The following ASTN2 variants were observed in gnomAD, a reference collection of about 807,000 sequenced individuals.
ASTN2 encodes astrotactin 2.
ASTN2 carries 54 observed loss-of-function variants against 139.8 expected under a neutral mutation model. That is an observed-to-expected ratio of 0.39 (90% confidence interval 0.31 to 0.48). ASTN2 has a LOEUF of 0.48. Ranked by LOEUF, ASTN2 falls within the 20% of genes least tolerant of loss-of-function variation. The probability of loss-of-function intolerance (pLI) is 0.95; values close to 1 mark genes in which losing one functional copy is unlikely to be tolerated. For missense variants in ASTN2, 1,565 were observed against 1,725.1 expected (o/e 0.91, Z 1.64); for synonymous variants, 756 against 719.5 (o/e 1.05, Z -0.81).
intron 1 of ASTN2, among the ~76,000 whole-genome samples, chr9:117,346,214 C>CT (rs1226121767): frequency 2.6e-5 from 4 of 152,024 alleles, no homozygotes; most frequent in African/African-American, 9.7e-5. Flanking sequence ...GTTTTAGTTA[C>CT]TTTTTTAAAA....
rs114836860 is a variant in ASTN2 at position 116,844,669 on chromosome 9, T to C, written c.2040+18914A>G. Reference sequence around the variant, plus strand: ...AGTATCTAGCACAATGGTAAGATCCTGATTGTTATAAAAGTTGCTATTATG... The same window carrying C: ...AGTATCTAGCACAATGGTAAGATCCCGATTGTTATAAAAGTTGCTATTATG... On this transcript the variant is annotated intron_variant, in intron 11 of 22. Coordinates refer to ENST00000313400, the MANE Select transcript of ASTN2 (RefSeq NM_001365068.1). Among the ~76,000 whole-genome samples, 925 of 152,284 alleles carry C rather than the reference T, an allele frequency of 6.1e-3. 8 individuals carry two copies. Among genetic ancestry groups the C allele is most frequent in the African/African-American group, 0.021 (867 of 41,552 alleles).
intron 1 of ASTN2, among the ~76,000 whole-genome samples, chr9:117,320,435 G>A (rs1324562870): frequency 2.0e-5 from 3 of 152,148 alleles, no homozygotes; most frequent in Non-Finnish European, 4.4e-5. Context: ...CCACAGGCCA[G>A]GGCTTTTCCA....
At chr9:117,003,108 A>C (rs997819699) in intron 7 of ASTN2, among the ~76,000 whole-genome samples, 1 of 152,222 alleles carries the variant, frequency 6.6e-6, no homozygotes, top group Non-Finnish European at 1.5e-5. Flanking sequence ...GTGTACCTAG[A>C]ACCCAGGACA....
At chr9:117,316,776 G>T (rs915901712) in intron 1 of ASTN2, among the ~76,000 whole-genome samples, 12 of 152,156 alleles carry the variant, frequency 7.9e-5, no homozygotes, top group Non-Finnish European at 1.3e-4. Flanking sequence ...AAACTGCTAT[G>T]GGGGCGTGAG....
chr9:116,740,675 G>C lies in ASTN2; in HGVS notation c.2397-7152C>G, dbSNP rs1217557892. On this transcript the variant is annotated intron_variant, in intron 13 of 22. Transcript: ENST00000313400. ...CTACAGGCGCCCACCACCACGCTCT[G>C]CTAATTTTTTAATTTTTTTTAGTAG... Among the ~76,000 whole-genome samples, 3 of 151,872 alleles carry C rather than the reference G, an allele frequency of 2.0e-5. No individual in the cohort carries two copies. The South Asian group carries it at 6.3e-4, about 32-fold the overall frequency.
chr9:116,770,749 T>A (rs1410592021), intron 13 of ASTN2, among the ~76,000 whole-genome samples: 3 of 152,198 alleles, frequency 2.0e-5, no homozygotes, highest in African/African-American at 7.2e-5. Flanking sequence ...TTTACATATG[T>A]TTTTTTCAAG....
chr9:117,119,116 G>A (rs1012836492), intron 4 of ASTN2, among the ~76,000 whole-genome samples: 1 of 152,116 alleles, frequency 6.6e-6, no homozygotes, highest in Admixed American at 6.5e-5. Context: ...TTGAATGAAT[G>A]AATAGATAAT....
chr9:116,463,859 C>T (rs1307493242), intron 20 of ASTN2, among the ~76,000 whole-genome samples: 5 of 150,872 alleles, frequency 3.3e-5, no homozygotes, highest in Non-Finnish European at 7.4e-5. Context: ...TACCTCAACC[C>T]TTGAGTAGCT....
In ASTN2 at chr9:116,744,080, G is replaced by T. The variant is rs140119264; in HGVS notation, c.2397-10557C>A. Among the ~76,000 whole-genome samples the T allele has an allele frequency of 2.3e-3, 344 of 152,236 alleles. 2 individuals carry two copies. The highest frequency in any genetic ancestry group is 4.0e-3 in the Non-Finnish European group (274 of 68,026). On this transcript the variant is annotated intron_variant, in intron 13 of 22. Transcript: ENST00000313400. ...GGTGAGACTTGACAGATTGGGAGGG[G>T]TTAACAAGGGAGAGGGCAGAAAAAG...
chr9:117,362,253 C>T (rs928774438), intron 1 of ASTN2, among the ~76,000 whole-genome samples: 8 of 152,134 alleles, frequency 5.3e-5, no homozygotes, highest in Admixed American at 1.3e-4. Context: ...GGATTACGAG[C>T]GTGAGCCACT....
chr9:116,634,209 T>C (rs974496462), intron 17 of ASTN2, among the ~76,000 whole-genome samples: 1 of 152,220 alleles, frequency 6.6e-6, no homozygotes, highest in Non-Finnish European at 1.5e-5. Context: ...GTCAGATCTA[T>C]ATAAATATCC....
chr9:116,583,088 C>G (rs1222007497), intron 19 of ASTN2: 1 of 152,186 alleles, frequency 6.6e-6, no homozygotes, highest in Non-Finnish European at 1.5e-5. Context: ...TTCCAGTGGT[C>G]CAGCCCCACT....
intron 16 of ASTN2, among the ~76,000 whole-genome samples, chr9:116,670,511 A>G (rs1859131656): frequency 6.6e-6 from 1 of 152,252 alleles, no homozygotes; most frequent in South Asian, 2.1e-4. Context: ...AAAATAAAAC[A>G]GAAGAATAGA....
At chr9:116,682,770 G>GT (rs1209948994) in intron 16 of ASTN2, among the ~76,000 whole-genome samples, 1 of 152,002 alleles carries the variant, frequency 6.6e-6, no homozygotes, top group African/African-American at 2.4e-5. Context: ...GTAAACTATC[G>GT]TAAGAACAAA....
chr9:116,579,673 G>A (rs1377886867), intron 19 of ASTN2, among the ~76,000 whole-genome samples: 1 of 152,170 alleles, frequency 6.6e-6, no homozygotes, highest in East Asian at 1.9e-4. Context: ...TTAAGCCCAG[G>A]AATTTGAGAC....
chr9:116,970,593 CT>C (rs1189370180), intron 10 of ASTN2, among the ~76,000 whole-genome samples: 1 of 152,132 alleles, frequency 6.6e-6, no homozygotes, highest in African/African-American at 2.4e-5. Context: ...ATTTTTATAT[CT>C]CTATTACTTA....
At chr9:116,539,587 T>C (rs889509916) in intron 19 of ASTN2, among the ~76,000 whole-genome samples, 2 of 152,182 alleles carry the variant, frequency 1.3e-5, no homozygotes, top group African/African-American at 2.4e-5. Context: ...AGGGAGGATA[T>C]GTTTTAAGAC....
At chr9:117,098,945 T>C (rs1196085786) in intron 4 of ASTN2, among the ~76,000 whole-genome samples, 2 of 151,512 alleles carry the variant, frequency 1.3e-5, no homozygotes, top group East Asian at 2.0e-4. Flanking sequence ...CCGTCTCTAC[T>C]AAAATACAAA....
Position 116,856,673 on chromosome 9 carries a change from G to A in ASTN2, c.2040+6910C>T, listed in dbSNP as rs1306972793. 3.3e-5 allele frequency among the ~76,000 whole-genome samples: 5 copies of A among 152,228 alleles called. No individual in the cohort carries two copies. The South Asian group carries it at 8.3e-4, about 25-fold the overall frequency. On this transcript the variant is annotated intron_variant, in intron 11 of 22. Coordinates refer to ENST00000313400, the MANE Select transcript of ASTN2 (RefSeq NM_001365068.1). ...ATTCATCTTGACTTTTAGAAAGGCAGCTCTTGTTGTTGTCTCTCAGCACCT... is the reference window on the plus strand; with the variant it reads ...ATTCATCTTGACTTTTAGAAAGGCAACTCTTGTTGTTGTCTCTCAGCACCT...
Sources: gnomAD v4.1 joint callset for allele counts (sites outside exome capture counted in the v4.1 genomes callset) on GRCh38, gnomAD v4.1.1 for gene constraint, MANE v1.5 for transcripts, NCBI Gene and HGNC (gene_info 2026-07-23, HGNC 2026-07-21) for gene names.